CRYBG2: variants seen among roughly 807,000 people sequenced by gnomAD.
CRYBG2 encodes the protein crystallin beta-gamma domain containing 2.
A neutral mutation model predicts 153.4 loss-of-function variants in CRYBG2; 106 were observed. The observed-to-expected ratio is 0.69, with a 90% confidence interval of 0.59 to 0.81. The LOEUF is 0.81. CRYBG2 is among the 30% of genes least tolerant of loss of function. CRYBG2 has a pLI of 0.00. For synonymous variants in CRYBG2, 851 were observed against 877.8 expected, an observed-to-expected ratio of 0.97 and a Z score of 0.54; for missense variants, 1,996 against 2,112.0, an observed-to-expected ratio of 0.95 and a Z score of 1.08.
At chr1:26,329,238 G>A (rs146115879) in intron 15 of CRYBG2, among the ~76,000 whole-genome samples, 8 of 145,340 alleles carry the variant, frequency 5.5e-5, no homozygotes, top group East Asian at 2.0e-4. Context: ...GTACAGTGGC[G>A]CGATATTGGC....
Position 26,338,347 on chromosome 1 carries a change from T to C in CRYBG2, c.3471+4A>G. 1 of 1,597,778 alleles carries C rather than the reference T, an allele frequency of 6.3e-7. No homozygotes were observed. Among genetic ancestry groups the C allele is most frequent in the East Asian group, 2.2e-5 (1 of 44,770 alleles). Reference sequence around the variant, plus strand: ...CTGGCCTGTGGGTGTGCCCTGTTCTTTACCAATCTCATGGGCTTCAGGGAG... The same window carrying C: ...CTGGCCTGTGGGTGTGCCCTGTTCTCTACCAATCTCATGGGCTTCAGGGAG... On this transcript the variant is annotated splice_donor_region_variant and intron_variant, in intron 7 of 19. Coordinates refer to ENST00000308182, the MANE Select transcript of CRYBG2 (RefSeq NM_001039775.4).
At position 26,344,075 on chromosome 1, in the gene CRYBG2, G is replaced by A; in HGVS notation, c.2583C>T (p.His861=). Residue 861 remains histidine, a synonymous_variant, in exon 2 of 20, where the codon CAC becomes CAT. Coordinates refer to ENST00000308182, the MANE Select transcript of CRYBG2 (RefSeq NM_001039775.4). ...KAGPSPSRDL[H]PARPTQVSCS... is the part of the protein sequence containing the mutation. ...AGGAGACCTGGGTGGGTCTGGCAGGGTGGAGGTCCCTGGAGGGGCTGGGCC... is the reference window on the plus strand; with the variant it reads ...AGGAGACCTGGGTGGGTCTGGCAGGATGGAGGTCCCTGGAGGGGCTGGGCC... The A allele has an allele frequency of 1.3e-6, 2 of 1,536,170 alleles. No individual in the cohort carries two copies. Among genetic ancestry groups the A allele is most frequent in the Non-Finnish European group, 1.7e-6 (2 of 1,146,914 alleles).
At chr1:26,341,182 C>CA (rs1022109544) in intron 5 of CRYBG2, among the ~76,000 whole-genome samples, 5 of 149,900 alleles carry the variant, frequency 3.3e-5, no homozygotes, top group Admixed American at 6.7e-5. Flanking sequence ...GCTAAAAATA[C>CA]AAAAAAAAAT....
intron 17 of CRYBG2, among the ~76,000 whole-genome samples, chr1:26,326,166 A>G (rs545358644): frequency 6.6e-6 from 1 of 152,194 alleles, no homozygotes; most frequent in African/African-American, 2.4e-5. Context: ...TGATGAAATT[A>G]CAGGAGTGAG....
In CRYBG2 at chr1:26,346,466, T is replaced by A; in HGVS notation, c.192A>T (p.Glu64Asp). 6.2e-7 allele frequency: 1 copy of A among 1,608,360 alleles called. No individual in the cohort carries two copies. The highest frequency in any genetic ancestry group is 1.1e-5 in the South Asian group (1 of 91,060). Residue 64 changes from glutamate to aspartate, a missense_variant, in exon 2 of 20, where the codon GAA becomes GAT. Physicochemically the swap from Glu to Asp is conservative, Grantham distance 45 (BLOSUM62 2). Coordinates refer to ENST00000308182, the MANE Select transcript of CRYBG2 (RefSeq NM_001039775.4). The surrounding 1 kb of genome is among the most constrained non-coding windows in gnomAD (Gnocchi z 4.9). ...CTTCCTGTGTTGCAAAGCCATTGACTTCCACTTCCTCTCGACGGCTGAACT... is the reference window on the plus strand; with the variant it reads ...CTTCCTGTGTTGCAAAGCCATTGACATCCACTTCCTCTCGACGGCTGAACT... ...MFEFSRREEV[E>D]VNGFATQEEE...
chr1:26,339,468 C>G, intron 5 of CRYBG2, 39 bp from the exon 6 acceptor site: 1 of 1,609,522 alleles, frequency 6.2e-7, no homozygotes, highest in South Asian at 1.1e-5. Flanking sequence ...AGATAAACAG[C>G]CAGGCGTGGT....
Position 26,343,064 on chromosome 1 carries a change from T to A in CRYBG2, c.3057A>T (p.Ile1019=), listed in dbSNP as rs1240417679. The change falls in exon 4 of 20, where the codon ATA becomes ATT. Residue 1019 remains isoleucine (I), a synonymous_variant. Transcript: ENST00000308182. This position sits in a 1 kb window ranked among gnomAD's most constrained non-coding sequence, Gnocchi z 4.1. The stretch of plus-strand genomic sequence containing the variant: ...CCACTCACCAGCCTCGAACTACCCT[T>A]ATGGAGGCTACGGGGGCCCAGCCTG... ...DASGWAPVAS[I]RVVRGCWVLY... is the part of the protein sequence containing the mutation. 3.2e-6 allele frequency: 5 copies of A among 1,550,090 alleles called. No individual in the cohort carries two copies. The South Asian group carries it at 4.8e-5, about 15-fold the overall frequency.
In CRYBG2 at chr1:26,345,386, A is replaced by G. The variant is rs2074200312; in HGVS notation, c.1272T>C (p.Thr424=). Residue 424 remains threonine (T), a synonymous_variant, in exon 2 of 20, where the codon ACT becomes ACC. Coordinates refer to ENST00000308182, the MANE Select transcript of CRYBG2 (RefSeq NM_001039775.4). ...TVPGQPPAPS[T]TRRKDVPSPG... is the part of the protein sequence containing the mutation. ...GGCTGGGGACATCCTTCCTTCTTGT[A>G]GTGGATGGAGCAGGAGGTTGTCCAG... 1 of 1,613,108 alleles carries G rather than the reference A, an allele frequency of 6.2e-7. No individual in the cohort carries two copies. The highest frequency in any genetic ancestry group is 2.2e-5 in the East Asian group (1 of 44,880).
chr1:26,337,920 T>C, intron 8 of CRYBG2, 92 bp downstream of exon 8: 1 of 1,507,400 alleles, frequency 6.6e-7, no homozygotes, highest in Non-Finnish European at 9.0e-7. Flanking sequence ...CCCAGTGCCC[T>C]CCTCTCTGGA....
chr1:26,334,287 C>G (rs944305700), intron 14 of CRYBG2, among the ~76,000 whole-genome samples: 1 of 151,982 alleles, frequency 6.6e-6, no homozygotes, highest in African/African-American at 2.4e-5. Flanking sequence ...TAGCCGGGCG[C>G]GGTGGCGTGC....
At chr1:26,335,478 A>G (rs2074043446) in intron 14 of CRYBG2, among the ~76,000 whole-genome samples, 1 of 151,034 alleles carries the variant, frequency 6.6e-6, no homozygotes, top group African/African-American at 2.4e-5. Flanking sequence ...CTCTGTCTCA[A>G]AACAAAACAA....
chr1:26,330,892 C>T (rs567851582), intron 15 of CRYBG2, among the ~76,000 whole-genome samples: 434 of 152,318 alleles, frequency 2.8e-3, no homozygotes, highest in Non-Finnish European at 5.6e-3. Context: ...CAGTAAGCAT[C>T]ACCTGTTCTG....
intron 1 of CRYBG2, among the ~76,000 whole-genome samples, chr1:26,353,409 GC>G (rs909610382): frequency 6.6e-6 from 1 of 151,842 alleles, no homozygotes; most frequent in African/African-American, 2.4e-5. Flanking sequence ...CCACCTCTGC[GC>G]CCCCCAGGCA....
At chr1:26,342,398 C>G (rs1441317616) in intron 5 of CRYBG2, among the ~76,000 whole-genome samples, 1 of 152,106 alleles carries the variant, frequency 6.6e-6, no homozygotes, top group Non-Finnish European at 1.5e-5. Context: ...CCCATAAGAT[C>G]TCTGCCAGGA....
intron 15 of CRYBG2, among the ~76,000 whole-genome samples, chr1:26,329,824 T>C (rs773849618): frequency 4.6e-5 from 7 of 152,094 alleles, no homozygotes; most frequent in Non-Finnish European, 1.0e-4. Flanking sequence ...CAGCTCACTG[T>C]AACCTCCACT....
rs771116413 is a variant in CRYBG2, at chr1:26,336,748, G to A, written c.3912-16C>T. ...GGCCACCCACCTGCAGGAAGGGCGG[G>A]GCGCGAGTCAGCTGGGACGGAGCCT... On this transcript the variant is annotated splice_polypyrimidine_tract_variant and intron_variant, in intron 11 of 19. Coordinates refer to ENST00000308182, the MANE Select transcript of CRYBG2 (RefSeq NM_001039775.4). The surrounding 1 kb of genome is among the most constrained non-coding windows in gnomAD (Gnocchi z 4.9). 8.2e-6 allele frequency: 13 copies of A among 1,580,668 alleles called. No homozygotes were observed. Among genetic ancestry groups the A allele is most frequent in the South Asian group, 1.2e-5 (1 of 86,818 alleles).
chr1:26,351,944 AGCCCTTTCTTCTGCAGG>A (rs1322338742), intron 1 of CRYBG2, among the ~76,000 whole-genome samples: 1 of 152,032 alleles, frequency 6.6e-6, no homozygotes, highest in Non-Finnish European at 1.5e-5. Context: ...CCATTCCCAG[AGCCCTTTCTTCTGCAGG>A]GCCCCAGACC....
chr1:26,330,144 C>G (rs2073982255), intron 15 of CRYBG2, among the ~76,000 whole-genome samples: 2 of 152,216 alleles, frequency 1.3e-5, no homozygotes, highest in African/African-American at 4.8e-5. Flanking sequence ...ATAATAATAG[C>G]AGCTCACATT....
chr1:26,337,940 C>T, intron 8 of CRYBG2, 72 bp downstream of exon 8: 1 of 1,564,688 alleles, frequency 6.4e-7, no homozygotes, highest in Non-Finnish European at 8.7e-7. Context: ...ATTTCCTGTC[C>T]AGACCACGAT....
Sources: gnomAD v4.1 joint callset for allele counts (sites outside exome capture counted in the v4.1 genomes callset) on GRCh38, gnomAD v4.1.1 for gene constraint, Gnocchi (gnomAD v3.1) non-coding constraint, MANE v1.5 for transcripts, NCBI Gene and HGNC (gene_info 2026-07-23, HGNC 2026-07-21) for gene names.